Variants in DEPDC4 observed in about 807,000 individuals in gnomAD.
DEPDC4 encodes DEP domain containing 4.
A neutral mutation model predicts 52.0 loss-of-function variants in DEPDC4; 52 were observed. That is an observed-to-expected ratio of 1.00 (90% confidence interval 0.80 to 1.26). The LOEUF is 1.26. DEPDC4 is among the 50% of genes most tolerant of loss of function. DEPDC4 has a pLI of 0.00. For missense variants in DEPDC4, 530 were observed against 546.9 expected, an observed-to-expected ratio of 0.97 and a Z score of 0.31; for synonymous variants, 201 against 196.8, an observed-to-expected ratio of 1.02 and a Z score of -0.18.
the DEPDC4 span, among the ~76,000 whole-genome samples, chr12:100,273,493 G>A: frequency 6.6e-6 from 1 of 151,916 alleles, no homozygotes; most frequent in African/African-American, 2.4e-5. Context: ...TTTCTCATAT[G>A]GTATCAGATA....
At position 100,252,310 on chromosome 12, in the gene DEPDC4, A is replaced by G. The variant is rs2096211188; in HGVS notation, c.1249-9T>C. ...ACTGTTTTATTATCATACTGTAAAC[A>G]GAAAGATTAACATTAGCATAAATGG... is the stretch of plus-strand genomic sequence containing the variant. On this transcript the variant is annotated splice_polypyrimidine_tract_variant and intron_variant, in intron 6 of 9. Transcript: ENST00000550587. The G allele has an allele frequency of 6.7e-7, 1 of 1,484,432 alleles. No individual in the cohort carries two copies. The highest frequency in any genetic ancestry group is 1.4e-5 in the African/African-American group (1 of 70,524). 92.0% of individuals were successfully genotyped at this position (1,484,432 alleles called of 1,614,324 possible). A position where few individuals can be genotyped will look rare whatever the true frequency, so the allele number is the denominator to read the frequency against.
the DEPDC4 span, among the ~76,000 whole-genome samples, chr12:100,276,865 C>T: frequency 1.1e-4 from 17 of 151,970 alleles, no homozygotes; most frequent in African/African-American, 4.1e-4. Flanking sequence ...GACTTTTAAA[C>T]TCCCTAATAT....
chr12:100,256,272 A>G (rs939990382), intron 3 of DEPDC4, 46 bp from the exon 4 acceptor site: 1 of 1,384,982 alleles, frequency 7.2e-7, no homozygotes, highest in South Asian at 1.3e-5. Flanking sequence ...TAAATAAAAC[A>G]TACACATTCA....
chr12:100,278,611 T>C, the DEPDC4 span, among the ~76,000 whole-genome samples: 4 of 151,512 alleles, frequency 2.6e-5, no homozygotes, highest in Non-Finnish European at 5.9e-5. Flanking sequence ...GTGTTGTTTC[T>C]GCCAAATTTG....
chr12:100,280,560 G>A, the DEPDC4 span, among the ~76,000 whole-genome samples: 2 of 152,130 alleles, frequency 1.3e-5, no homozygotes, highest in Non-Finnish European at 2.9e-5. Flanking sequence ...GATGTCAACA[G>A]ACATCATCAC....
chr12:100,260,867 G>T (rs1238487472), intron 3 of DEPDC4, among the ~76,000 whole-genome samples: 1 of 151,232 alleles, frequency 6.6e-6, no homozygotes, highest in Non-Finnish European at 1.5e-5. Flanking sequence ...CTGCACTTCT[G>T]CCTGGGCGAA....
the DEPDC4 span, among the ~76,000 whole-genome samples, chr12:100,281,909 ATTG>A: frequency 1.3e-5 from 2 of 151,906 alleles, no homozygotes; most frequent in Non-Finnish European, 2.9e-5. Flanking sequence ...TAAGTTGTAT[ATTG>A]TTGTTTTTAA....
chr12:100,259,295 A>G (rs537236537), intron 3 of DEPDC4, among the ~76,000 whole-genome samples: 1 of 152,284 alleles, frequency 6.6e-6, no homozygotes, highest in East Asian at 1.9e-4. Flanking sequence ...TTATTGAGAC[A>G]TGAGAAACCT....
intron 4 of DEPDC4, among the ~76,000 whole-genome samples, chr12:100,254,045 A>G (rs1037533457): frequency 2.0e-5 from 3 of 152,086 alleles, no homozygotes; most frequent in African/African-American, 7.2e-5. Context: ...TGAGTTGCGT[A>G]TGGTTCTATT....
At chr12:100,270,668 T>A (rs1337291429), upstream of DEPDC4, among the ~76,000 whole-genome samples, 3 of 150,688 alleles carry the variant, frequency 2.0e-5, no homozygotes, top group African/African-American at 7.3e-5. Flanking sequence ...AGAGACAGGG[T>A]CTCACTATGT....
chr12:100,234,480 A>C (rs1338833493), intron 9 of DEPDC4, among the ~76,000 whole-genome samples: 1 of 152,194 alleles, frequency 6.6e-6, no homozygotes, highest in Non-Finnish European at 1.5e-5. Context: ...ACCTGATTGG[A>C]TATTGAGTAT....
At chr12:100,277,795 T>G in the DEPDC4 span, among the ~76,000 whole-genome samples, 1 of 152,192 alleles carries the variant, frequency 6.6e-6, no homozygotes, top group Non-Finnish European at 1.5e-5. Flanking sequence ...CTTTTCCGCT[T>G]CTTTTTATAT....
chr12:100,241,927 T>C, intron 9 of DEPDC4, 82 bp from the exon 10 acceptor site: 3 of 912,896 alleles, frequency 3.3e-6, no homozygotes, highest in Non-Finnish European at 4.1e-6. Flanking sequence ...ACTGTACTTA[T>C]CCAAACTGGT....
chr12:100,271,074 G>C (rs1423614008), upstream of DEPDC4, among the ~76,000 whole-genome samples: 2 of 151,884 alleles, frequency 1.3e-5, no homozygotes, highest in African/African-American at 4.8e-5. Context: ...TTTAATCTTT[G>C]TTCTGTATAA....
chr12:100,267,479 A>G (rs2153928254), upstream of DEPDC4: 1 of 163,126 alleles, frequency 6.1e-6, no homozygotes, highest in Middle Eastern at 3.0e-3. Context: ...CGAGGAGGGA[A>G]TGGAGGACTC....
upstream of DEPDC4, among the ~76,000 whole-genome samples, chr12:100,270,522 C>G (rs888547728): frequency 1.3e-5 from 2 of 151,892 alleles, no homozygotes; most frequent in Non-Finnish European, 2.9e-5. Flanking sequence ...CTGGAAGTAG[C>G]TTCAAAAAAC....
intron 1 of DEPDC4, among the ~76,000 whole-genome samples, chr12:100,264,499 C>T (rs1305829896): frequency 2.0e-5 from 3 of 151,884 alleles, no homozygotes; most frequent in Non-Finnish European, 2.9e-5. Context: ...GCCAACATGA[C>T]GAGACTCCAC....
At chr12:100,258,869 G>A (rs936710368) in intron 3 of DEPDC4, among the ~76,000 whole-genome samples, 1 of 151,918 alleles carries the variant, frequency 6.6e-6, no homozygotes, top group Non-Finnish European at 1.5e-5. Flanking sequence ...CCAAAAGTTC[G>A]AGACCAGCCT....
chr12:100,239,865 G>T (rs2096151828), downstream of DEPDC4, among the ~76,000 whole-genome samples: 1 of 152,086 alleles, frequency 6.6e-6, no homozygotes, highest in Non-Finnish European at 1.5e-5. Flanking sequence ...AATATAGTGA[G>T]ACTCCATCTC....
Sources: gnomAD v4.1 joint callset for allele counts (sites outside exome capture counted in the v4.1 genomes callset) on GRCh38, gnomAD v4.1.1 for gene constraint, MANE v1.5 for transcripts, NCBI Gene and HGNC (gene_info 2026-07-23, HGNC 2026-07-21) for gene names.